The following GALNT16 variants were observed in gnomAD, a reference collection of about 807,000 sequenced individuals.
GALNT16 encodes UDP-GalNAc:polypeptide N-acetylgalactosaminyltransferase-like protein 1.
Under a neutral mutation model 76.1 loss-of-function variants are expected in GALNT16, and 40 were observed. That is an observed-to-expected ratio of 0.53 (90% CI 0.41 to 0.68). The LOEUF (loss-of-function observed/expected upper bound fraction) is 0.68. GALNT16 is among the 30% of genes least tolerant of loss of function. GALNT16 has a pLI of 0.00. For missense variants in GALNT16, 621 were observed against 731.9 expected, an observed-to-expected ratio of 0.85 and a Z score of 1.75; for synonymous variants, 276 against 285.2, an observed-to-expected ratio of 0.97 and a Z score of 0.32.
At chr14:69,316,367 A>C (rs2140157437) in intron 1 of GALNT16, among the ~76,000 whole-genome samples, 1 of 152,344 alleles carries the variant, frequency 6.6e-6, no homozygotes, top group South Asian at 2.1e-4. Flanking sequence ...GGGATTCAGC[A>C]TGAGACAAAA....
At chr14:69,263,402 T>A (rs2044301984) in intron 1 of GALNT16, among the ~76,000 whole-genome samples, 1 of 152,176 alleles carries the variant, frequency 6.6e-6, no homozygotes, top group African/African-American at 2.4e-5. Context: ...TCCCTGCAAT[T>A]TGTGGTAACC....
intron 1 of GALNT16, among the ~76,000 whole-genome samples, chr14:69,312,907 C>G (rs1336456344): frequency 6.6e-6 from 1 of 152,220 alleles, no homozygotes; most frequent in Non-Finnish European, 1.5e-5. Context: ...ATCTGAGCCA[C>G]AAGCTGGTCT....
In GALNT16 at chr14:69,308,452, AT is replaced by A. The variant is rs2044970777; in HGVS notation, c.178-12256del. ...TTACACATGCATATGTTTATAAACTATTTATATAAAATGAATCACACTGTAT... is the reference window on the plus strand; with the variant it reads ...TTACACATGCATATGTTTATAAACTATTATATAAAATGAATCACACTGTAT... On this transcript the variant is annotated intron_variant, in intron 1 of 14. Coordinates refer to ENST00000448469, the MANE Select transcript of GALNT16 (RefSeq NM_001168368.2). Among the ~76,000 whole-genome samples the A allele has an allele frequency of 2.0e-5, 3 of 152,290 alleles. No homozygotes were observed. The South Asian group carries it at 6.2e-4, about 32-fold the overall frequency.
At chr14:69,339,473 G>A (rs2045456653) in intron 10 of GALNT16, 54 bp from the exon 11 acceptor site, 4 of 1,036,416 alleles carry the variant, frequency 3.9e-6, no homozygotes, top group South Asian at 3.8e-5. Flanking sequence ...GATCCTGACC[G>A]CTAACCCTGT....
At chr14:69,300,440 A>G (rs1188536724) in intron 1 of GALNT16, among the ~76,000 whole-genome samples, 3 of 152,104 alleles carry the variant, frequency 2.0e-5, no homozygotes, top group African/African-American at 7.2e-5. Context: ...CTCTAAGGCC[A>G]CCTCTAAGAG....
Position 69,333,349 on chromosome 14 carries a change from G to T in GALNT16, c.864-148G>T, listed in dbSNP as rs529680570. On this transcript the variant is annotated intron_variant, in intron 8 of 14. Transcript: ENST00000448469. This position sits in a 1 kb window ranked among gnomAD's most constrained non-coding sequence, Gnocchi z 4.2. ...GGACAGAGGCCACGGGAACAGATGTGGGGGGCCAGGGAGCTGGCCAGACAT... is the reference window on the plus strand; with the variant it reads ...GGACAGAGGCCACGGGAACAGATGTTGGGGGCCAGGGAGCTGGCCAGACAT... The T allele has an allele frequency of 4.3e-6, 3 of 705,210 alleles. No individual in the cohort carries two copies. The highest frequency in any genetic ancestry group is 7.5e-6 in the Non-Finnish European group (3 of 397,722). The allele number at this position is 705,210 out of a possible 1,614,324, so 43.7% of individuals were successfully genotyped here.
At chr14:69,313,134 C>T (rs985305244) in intron 1 of GALNT16, among the ~76,000 whole-genome samples, 5 of 152,180 alleles carry the variant, frequency 3.3e-5, no homozygotes, top group African/African-American at 7.2e-5. Flanking sequence ...CTCAATGAGC[C>T]GTCAGCATCA....
chr14:69,382,800 A>T, the GALNT16 span, among the ~76,000 whole-genome samples: 2 of 152,004 alleles, frequency 1.3e-5, no homozygotes, highest in Non-Finnish European at 2.9e-5. Context: ...AAAAGAAAAA[A>T]AAAAAAAAAG....
chr14:69,300,221 C>T (rs561097822), intron 1 of GALNT16, among the ~76,000 whole-genome samples: 7 of 152,034 alleles, frequency 4.6e-5, no homozygotes, highest in African/African-American at 1.7e-4. Flanking sequence ...GTGTGCTACA[C>T]CCGCACACAC....
At chr14:69,371,502 C>T in the GALNT16 span, among the ~76,000 whole-genome samples, 1 of 151,522 alleles carries the variant, frequency 6.6e-6, no homozygotes, top group Non-Finnish European at 1.5e-5. Context: ...GTGATCCACC[C>T]GCCTTGGCCT....
chr14:69,285,948 C>T (rs1203963287), intron 1 of GALNT16, among the ~76,000 whole-genome samples: 4 of 152,170 alleles, frequency 2.6e-5, no homozygotes, highest in Non-Finnish European at 1.5e-5. Flanking sequence ...GGTCTGACTC[C>T]CCCACCCGCC....
chr14:69,342,902 G>C (rs960606336), intron 12 of GALNT16, among the ~76,000 whole-genome samples: 10 of 152,106 alleles, frequency 6.6e-5, no homozygotes, highest in African/African-American at 2.4e-4. Context: ...TCCCTCCCCA[G>C]CATCGTCTCC....
chr14:69,270,690 G>C (rs143171345), intron 1 of GALNT16, among the ~76,000 whole-genome samples: 2 of 152,166 alleles, frequency 1.3e-5, no homozygotes, highest in Non-Finnish European at 2.9e-5. Context: ...CACTTCTGAC[G>C]CCTCACACAT....
At chr14:69,325,204 G>A in intron 3 of GALNT16, 133 bp from the exon 4 acceptor site, 2 of 687,696 alleles carry the variant, frequency 2.9e-6, no homozygotes, top group Admixed American at 2.2e-5. Context: ...GACAAGAATA[G>A]GATTCAGGTA....
At chr14:69,267,151 G>A (rs967470689) in intron 1 of GALNT16, among the ~76,000 whole-genome samples, 1 of 152,192 alleles carries the variant, frequency 6.6e-6, no homozygotes, top group Non-Finnish European at 1.5e-5. Context: ...GTGCCCCTGA[G>A]CTGTGTGCTT....
At chr14:69,280,576 G>A (rs2044527823) in intron 1 of GALNT16, among the ~76,000 whole-genome samples, 2 of 152,134 alleles carry the variant, frequency 1.3e-5, no homozygotes, top group South Asian at 4.1e-4. Context: ...GGAATTCCTG[G>A]ATCATATGGT....
Position 69,260,224 on chromosome 14 carries a change from G to A in GALNT16, c.-67G>A, listed in dbSNP as rs2044243444. The A allele has an allele frequency of 2.5e-6, 3 of 1,206,136 alleles. No individual in the cohort carries two copies. Among genetic ancestry groups the A allele is most frequent in the Non-Finnish European group, 3.5e-6 (3 of 852,408 alleles). 74.7% of individuals were successfully genotyped at this position (1,206,136 alleles called of 1,614,324 possible). ...CGAAAACAAACAGCTGGGGCTGCGA[G>A]CGCCCCCGCCCCGGCCCCGAGAGCA... On this transcript the variant is annotated 5_prime_UTR_variant, in exon 1 of 15. Transcript: ENST00000448469.
chr14:69,284,747 G>A (rs2044587907), intron 1 of GALNT16, among the ~76,000 whole-genome samples: 1 of 152,090 alleles, frequency 6.6e-6, no homozygotes, highest in South Asian at 2.1e-4. Context: ...TCATCTTGTA[G>A]TTCCCATAAT....
chr14:69,342,386 T>C (rs2140192915), intron 12 of GALNT16, among the ~76,000 whole-genome samples: 1 of 149,662 alleles, frequency 6.7e-6, no homozygotes, highest in East Asian at 2.0e-4. Context: ...GGTTATGCCA[T>C]TACACTCCAG....
Sources: allele counts gnomAD v4.1 joint callset (sites outside exome capture counted in the v4.1 genomes callset), GRCh38; gene constraint gnomAD v4.1.1; non-coding constraint Gnocchi (gnomAD v3.1); transcripts MANE v1.5; gene names NCBI Gene and HGNC (gene_info 2026-07-23, HGNC 2026-07-21).